Variants in ZNF112 observed in about 807,000 individuals in gnomAD.
ZNF112 encodes zinc finger protein 112.
ZNF112 carries 37 observed loss-of-function variants against 77.7 expected under a neutral mutation model. The ratio of observed to expected loss-of-function variants is 0.48; its 90% CI spans 0.37 to 0.63. The LOEUF (loss-of-function observed/expected upper bound fraction) is 0.63. Among genes scored for constraint, ZNF112 ranks in the 20% least tolerant of loss-of-function variants. ZNF112 has a pLI of 0.00. For missense variants in ZNF112, 950 were observed against 1,077.4 expected (o/e 0.88, Z 1.66); for synonymous variants, 333 against 363.6 (o/e 0.92, Z 0.96).
upstream of ZNF112, among the ~76,000 whole-genome samples, chr19:44,360,274 G>T: frequency 6.9e-6 from 1 of 145,108 alleles, no homozygotes; most frequent in East Asian, 2.0e-4. Flanking sequence ...AAAAAGAAAA[G>T]AAAAAAGAAA....
upstream of ZNF112, among the ~76,000 whole-genome samples, chr19:44,358,580 C>G (rs1418767722): frequency 6.6e-6 from 1 of 152,150 alleles, no homozygotes; most frequent in Non-Finnish European, 1.5e-5. Context: ...CTTTTGACAC[C>G]TATATGAAGC....
chr19:44,346,146 G>T (rs1447664946), intron 1 of ZNF112, among the ~76,000 whole-genome samples: 1 of 152,150 alleles, frequency 6.6e-6, no homozygotes, highest in Non-Finnish European at 1.5e-5. Flanking sequence ...AACCCATTTT[G>T]CCAGCCTAAT....
In ZNF112 at chr19:44,340,562, C is replaced by A; in HGVS notation, c.-3-20G>T. On this transcript the variant is annotated intron_variant, in intron 1 of 3. Coordinates refer to ENST00000354340, the MANE Select transcript of ZNF112 (RefSeq NM_013380.4). ...CATCTCCTACAATGCCAAACACATG[C>A]ACACTAAGTTTACAGAAGAAGGGCA... is the stretch of plus-strand genomic sequence containing the variant. The A allele has an allele frequency of 6.2e-7, 1 of 1,613,660 alleles. No homozygotes were observed. The highest frequency in any genetic ancestry group is 8.5e-7 in the Non-Finnish European group (1 of 1,179,724).
chr19:44,358,008 C>T (rs999006336), upstream of ZNF112, among the ~76,000 whole-genome samples: 14 of 152,024 alleles, frequency 9.2e-5, no homozygotes, highest in Admixed American at 4.6e-4. Flanking sequence ...AAAAATTAGC[C>T]GGGCGTGGTG....
At chr19:44,346,349 A>C (rs1324485790) in intron 1 of ZNF112, among the ~76,000 whole-genome samples, 1 of 152,218 alleles carries the variant, frequency 6.6e-6, no homozygotes, top group Non-Finnish European at 1.5e-5. Context: ...ATGCATCATA[A>C]TATTAGAAAG....
chr19:44,367,013 G>A (rs2722747), intron 1 of ZNF112: 64,380 of 454,168 alleles, frequency 0.14, 5,263 homozygotes, highest in African/African-American at 0.25. Context: ...GGAACAGAGC[G>A]CACAAAATAC....
At chr19:44,359,472 C>T (rs777483130), upstream of ZNF112, among the ~76,000 whole-genome samples, 10 of 151,614 alleles carry the variant, frequency 6.6e-5, no homozygotes, top group African/African-American at 9.7e-5. Context: ...TACAGGCATG[C>T]GCCACCACGC....
chr19:44,331,328 C>T (rs1241076628), intron 3 of ZNF112, among the ~76,000 whole-genome samples: 1 of 152,134 alleles, frequency 6.6e-6, no homozygotes, highest in Non-Finnish European at 1.5e-5. Flanking sequence ...TGCCATTTTA[C>T]TGGAAAATTA....
At chr19:44,358,873 C>T (rs574307477), upstream of ZNF112, among the ~76,000 whole-genome samples, 54 of 152,222 alleles carry the variant, frequency 3.5e-4, no homozygotes, top group Middle Eastern at 3.4e-3. Flanking sequence ...CCTCCACACC[C>T]CCAATCTGGT....
At chr19:44,335,730 G>A (rs1196051141) in intron 3 of ZNF112, among the ~76,000 whole-genome samples, 1 of 152,156 alleles carries the variant, frequency 6.6e-6, no homozygotes, top group Non-Finnish European at 1.5e-5. Flanking sequence ...TACTCTCAAG[G>A]GTACCATGTA....
At chr19:44,334,743 C>T (rs1334219392) in intron 3 of ZNF112, among the ~76,000 whole-genome samples, 1 of 152,266 alleles carries the variant, frequency 6.6e-6, no homozygotes, top group African/African-American at 2.4e-5. Flanking sequence ...TGGCAGCTTC[C>T]ACGTACTGTT....
chr19:44,340,650 A>G, intron 1 of ZNF112, 108 bp from the exon 2 acceptor site: 1 of 1,499,062 alleles, frequency 6.7e-7, no homozygotes, highest in Non-Finnish European at 9.2e-7. Context: ...AGTCACATTT[A>G]CATAGTTCTC....
chr19:44,361,873 G>A (rs1226255175), intron 1 of ZNF112, among the ~76,000 whole-genome samples: 1 of 151,688 alleles, frequency 6.6e-6, no homozygotes, highest in Non-Finnish European at 1.5e-5. Flanking sequence ...ACTGGGCAGG[G>A]GAAAGGAGAG....
chr19:44,328,849 T>C lies in ZNF112; in HGVS notation c.1308A>G (p.Ser436=), dbSNP rs148277871. Residue 436 remains serine, a synonymous_variant, in exon 4 of 4, where the codon TCA becomes TCG. Transcript: ENST00000354340. Reference sequence around the variant, plus strand: ...CATTACCACACTCCTCAGAATTATATGAATTCTCTTCCATATGAACCCTAT... The same window carrying C: ...CATTACCACACTCCTCAGAATTATACGAATTCTCTTCCATATGAACCCTAT... ...IQHRVHMEEN[S]YNSEECGNGF... The C allele has an allele frequency of 1.2e-5, 20 of 1,614,002 alleles. No homozygotes were observed. The highest frequency in any genetic ancestry group is 1.6e-5 in the Non-Finnish European group (19 of 1,179,928).
chr19:44,348,808 T>C (rs997638531), intron 1 of ZNF112, among the ~76,000 whole-genome samples: 1 of 152,070 alleles, frequency 6.6e-6, no homozygotes, highest in South Asian at 2.1e-4. Flanking sequence ...GGGAAATGTA[T>C]AGCAATGATG....
At chr19:44,338,273 C>T (rs1020691155) in intron 2 of ZNF112, among the ~76,000 whole-genome samples, 2 of 152,088 alleles carry the variant, frequency 1.3e-5, no homozygotes, top group Non-Finnish European at 2.9e-5. Flanking sequence ...CAGGTGCTGA[C>T]TGCTAAATGG....
upstream of ZNF112, among the ~76,000 whole-genome samples, chr19:44,358,223 GA>G (rs1317880251): frequency 6.6e-6 from 1 of 151,244 alleles, no homozygotes; most frequent in Non-Finnish European, 1.5e-5. Context: ...CCTTTCCAAG[GA>G]AATGTTTCTG....
intron 1 of ZNF112, among the ~76,000 whole-genome samples, chr19:44,346,825 C>T (rs2196185): frequency 0.19 from 29,306 of 152,074 alleles, 3,519 homozygotes; most frequent in African/African-American, 0.32. Flanking sequence ...CAGAAATAAG[C>T]AGCAGAAGCA....
chr19:44,349,765 AGAAATGTATCCAG>A (rs1970659004), intron 1 of ZNF112, among the ~76,000 whole-genome samples: 1 of 152,110 alleles, frequency 6.6e-6, no homozygotes, highest in Non-Finnish European at 1.5e-5. Flanking sequence ...CAGAAGGCAA[AGAAATGTATCCAG>A]ATAAAATAAA....
Sources: gnomAD v4.1 joint callset for allele counts (sites outside exome capture counted in the v4.1 genomes callset) on GRCh38, gnomAD v4.1.1 for gene constraint, MANE v1.5 for transcripts, NCBI Gene and HGNC (gene_info 2026-07-23, HGNC 2026-07-21) for gene names.